The following TBC1D19 variants were observed in gnomAD, a reference collection of about 807,000 sequenced individuals.
TBC1D19 encodes the protein TBC1 domain family member 19, also known as TBC1 domain family, member 19.
Under a neutral mutation model 89.0 loss-of-function variants are expected in TBC1D19, and 60 were observed. The observed-to-expected ratio is 0.67, with a 90% CI of 0.55 to 0.84. The LOEUF (loss-of-function observed/expected upper bound fraction) is 0.84. TBC1D19 is among the 40% of genes least tolerant of loss of function. The pLI, the probability that TBC1D19 is intolerant of heterozygous loss-of-function variation, is 0.00. For missense variants in TBC1D19, 500 were observed against 610.8 expected, an observed-to-expected ratio of 0.82 and a Z score of 1.91; for synonymous variants, 189 against 199.7, an observed-to-expected ratio of 0.95 and a Z score of 0.45.
chr4:26,720,547 G>A (rs972746376), intron 15 of TBC1D19, among the ~76,000 whole-genome samples: 1 of 151,880 alleles, frequency 6.6e-6, no homozygotes, highest in Non-Finnish European at 1.5e-5. Context: ...ATTATTAAAA[G>A]GTATCACTGA....
chr4:26,763,712 T>C, the TBC1D19 span, among the ~76,000 whole-genome samples: 100 of 152,328 alleles, frequency 6.6e-4, no homozygotes, highest in African/African-American at 2.2e-3. Flanking sequence ...CTAAATTAAC[T>C]GAGACCTGTC....
chr4:26,819,178 C>T, the TBC1D19 span, among the ~76,000 whole-genome samples: 1 of 152,166 alleles, frequency 6.6e-6, no homozygotes, highest in Admixed American at 6.5e-5. Flanking sequence ...TTTCTTTTTC[C>T]CTTTTGTGTT....
chr4:26,773,912 C>A, the TBC1D19 span, among the ~76,000 whole-genome samples: 1 of 152,096 alleles, frequency 6.6e-6, no homozygotes, highest in Non-Finnish European at 1.5e-5. Context: ...TGCCTGGAGG[C>A]CTCTTTATTA....
Position 26,659,582 on chromosome 4 carries a change from G to C in TBC1D19, c.481-15G>C, listed in dbSNP as rs746066486. The stretch of plus-strand genomic sequence containing the variant: ...GGAAAGAAACTAACCAATTTTGTTG[G>C]ATTTGTTTTTAAAGGTATTAATTAA... On this transcript the variant is annotated splice_polypyrimidine_tract_variant and intron_variant, in intron 7 of 20. Transcript: ENST00000264866. 6.5e-7 allele frequency: 1 copy of C among 1,534,406 alleles called. No individual in the cohort carries two copies. Among genetic ancestry groups the C allele is most frequent in the Non-Finnish European group, 9.0e-7 (1 of 1,117,246 alleles).
intron 1 of TBC1D19, among the ~76,000 whole-genome samples, chr4:26,589,144 G>A (rs1176974359): frequency 6.6e-6 from 1 of 152,054 alleles, no homozygotes; most frequent in African/African-American, 2.4e-5. Context: ...GTGTGGTGGT[G>A]CATTCCTGTA....
chr4:26,782,654 G>T, the TBC1D19 span, among the ~76,000 whole-genome samples: 3 of 152,108 alleles, frequency 2.0e-5, no homozygotes, highest in Non-Finnish European at 4.4e-5. Flanking sequence ...TTGGCATCTT[G>T]TGGCTATGCC....
chr4:26,850,666 A>G, the TBC1D19 span, among the ~76,000 whole-genome samples: 1 of 152,118 alleles, frequency 6.6e-6, no homozygotes, highest in South Asian at 2.1e-4. Context: ...AGGCCTGGAC[A>G]GATCCCTTGC....
chr4:26,804,994 T>A, the TBC1D19 span, among the ~76,000 whole-genome samples: 268 of 152,192 alleles, frequency 1.8e-3, 1 homozygote, highest in African/African-American at 6.2e-3. Flanking sequence ...GGAAGCAGCG[T>A]GAAGATTCAG....
At chr4:26,611,306 C>G (rs551980333) in intron 1 of TBC1D19, among the ~76,000 whole-genome samples, 15 of 151,866 alleles carry the variant, frequency 9.9e-5, no homozygotes, top group African/African-American at 3.1e-4. Context: ...ATGTCTTTGT[C>G]TTTTTTTTAA....
chr4:26,606,403 A>G (rs992818440), intron 1 of TBC1D19, among the ~76,000 whole-genome samples: 1 of 152,206 alleles, frequency 6.6e-6, no homozygotes, highest in Non-Finnish European at 1.5e-5. Flanking sequence ...CCCAATAGCT[A>G]TCTTCAAATA....
At chr4:26,786,175 G>A in the TBC1D19 span, among the ~76,000 whole-genome samples, 1 of 152,190 alleles carries the variant, frequency 6.6e-6, no homozygotes, top group Non-Finnish European at 1.5e-5. Context: ...CCTCGTTTAA[G>A]CCTAGCCACC....
intron 8 of TBC1D19, 48 bp downstream of exon 8, chr4:26,659,755 A>G (rs1359654267): frequency 2.3e-6 from 3 of 1,289,776 alleles, no homozygotes; most frequent in South Asian, 1.5e-5. Context: ...GATAACCATT[A>G]GAAAAATGTT....
intron 15 of TBC1D19, among the ~76,000 whole-genome samples, chr4:26,735,195 C>T (rs1717969304): frequency 6.6e-6 from 1 of 151,134 alleles, no homozygotes; most frequent in African/African-American, 2.4e-5. Flanking sequence ...TATATATACA[C>T]ATATATATAT....
chr4:26,737,289 C>T (rs191980698), intron 16 of TBC1D19, among the ~76,000 whole-genome samples: 9 of 151,806 alleles, frequency 5.9e-5, no homozygotes, highest in Admixed American at 1.3e-4. Context: ...GACCTTACAG[C>T]GTATTTATCT....
At chr4:26,727,641 T>C (rs1051816134) in intron 15 of TBC1D19, among the ~76,000 whole-genome samples, 11 of 152,148 alleles carry the variant, frequency 7.2e-5, no homozygotes, top group South Asian at 2.1e-4. Flanking sequence ...GAAATGAAAA[T>C]ATGGTTTCAG....
At chr4:26,724,552 T>G (rs964110214) in intron 15 of TBC1D19, among the ~76,000 whole-genome samples, 1 of 152,230 alleles carries the variant, frequency 6.6e-6, no homozygotes, top group African/African-American at 2.4e-5. Flanking sequence ...ATATGCTCAC[T>G]GAAGTCTTTA....
At chr4:26,729,030 GAA>G (rs1717498171) in intron 15 of TBC1D19, among the ~76,000 whole-genome samples, 1 of 152,176 alleles carries the variant, frequency 6.6e-6, no homozygotes, top group South Asian at 2.1e-4. Context: ...AAGAAAAAAA[GAA>G]AAGAGTCTTA....
At chr4:26,799,560 T>C in the TBC1D19 span, among the ~76,000 whole-genome samples, 2 of 152,140 alleles carry the variant, frequency 1.3e-5, no homozygotes, top group African/African-American at 2.4e-5. Flanking sequence ...AAGGTGATAG[T>C]ATTAAGAGGT....
At chr4:26,631,207 A>G (rs1299946171) in intron 4 of TBC1D19, among the ~76,000 whole-genome samples, 3 of 152,056 alleles carry the variant, frequency 2.0e-5, no homozygotes. Flanking sequence ...AGGAAGTGGT[A>G]TATGTTCAAT....
Sources: gnomAD v4.1 joint callset for allele counts (sites outside exome capture counted in the v4.1 genomes callset) on GRCh38, gnomAD v4.1.1 for gene constraint, MANE v1.5 for transcripts, NCBI Gene and HGNC (gene_info 2026-07-23, HGNC 2026-07-21) for gene names.